Variants in CEACAM21 observed in about 807,000 individuals in gnomAD.
CEACAM21 encodes cell adhesion molecule CEACAM21.
CEACAM21 carries 38 observed loss-of-function variants against 33.2 expected under a neutral mutation model. The observed-to-expected ratio is 1.14, with a 90% confidence interval of 0.88 to 1.50. The LOEUF is 1.50. CEACAM21 is among the 40% of genes most tolerant of loss of function. The pLI, the probability that CEACAM21 is intolerant of heterozygous loss-of-function variation, is 0.00. For synonymous variants in CEACAM21, 156 were observed against 143.0 expected, an observed-to-expected ratio of 1.09 and a Z score of -0.65; for missense variants, 385 against 364.6, an observed-to-expected ratio of 1.06 and a Z score of -0.46.
chr19:41,559,525 TG>T (rs1555786325), intron 1 of CEACAM21, among the ~76,000 whole-genome samples: 1 of 151,984 alleles, frequency 6.6e-6, no homozygotes, highest in African/African-American at 2.4e-5. Flanking sequence ...AAAAGAGCAA[TG>T]TTTCAAACAG....
At chr19:41,564,469 C>A (rs1247021064) in intron 1 of CEACAM21, among the ~76,000 whole-genome samples, 1 of 152,112 alleles carries the variant, frequency 6.6e-6, no homozygotes, top group Non-Finnish European at 1.5e-5. Context: ...CCCCACCTTA[C>A]CGCCAGGGAA....
chr19:41,554,547 T>A (rs2041425453), intron 1 of CEACAM21, among the ~76,000 whole-genome samples: 1 of 152,056 alleles, frequency 6.6e-6, no homozygotes, highest in South Asian at 2.1e-4. Flanking sequence ...AAGCTAAAAA[T>A]CATTTTATAT....
chr19:41,580,658 G>T (rs1226402621), intron 3 of CEACAM21, among the ~76,000 whole-genome samples: 3 of 152,198 alleles, frequency 2.0e-5, no homozygotes, highest in Non-Finnish European at 2.9e-5. Flanking sequence ...GTGGGAAGGG[G>T]TGTGGAGCTT....
intron 2 of CEACAM21, among the ~76,000 whole-genome samples, chr19:41,566,493 A>G (rs1322855029): frequency 6.6e-6 from 1 of 152,226 alleles, no homozygotes; most frequent in Non-Finnish European, 1.5e-5. Context: ...ATGTTGAAAC[A>G]TACTTGCATT....
chr19:41,573,288 C>T (rs782648957), upstream of CEACAM21, among the ~76,000 whole-genome samples: 9 of 152,198 alleles, frequency 5.9e-5, no homozygotes, highest in Non-Finnish European at 1.2e-4. Flanking sequence ...CCAGTAAGAA[C>T]ATGGAATACT....
At chr19:41,550,495 G>A (rs897916648) in intron 1 of CEACAM21, 1 of 152,226 alleles carries the variant, frequency 6.6e-6, no homozygotes, top group Admixed American at 6.5e-5. Flanking sequence ...TTGAGGCCGG[G>A]CGCGGTGGCT....
chr19:41,573,738 C>G, upstream of CEACAM21, among the ~76,000 whole-genome samples: 1 of 152,144 alleles, frequency 6.6e-6, no homozygotes, highest in East Asian at 1.9e-4. Flanking sequence ...TCAATATACA[C>G]TGTAACATAG....
intron 4 of CEACAM21, 98 bp from the exon 5 acceptor site, chr19:41,585,345 C>T: frequency 7.8e-7 from 1 of 1,278,476 alleles, no homozygotes; most frequent in South Asian, 1.2e-5. Context: ...GGTCTCCATA[C>T]CCCTCTTGGA....
At chr19:41,571,332 A>C (rs1468958073), upstream of CEACAM21, among the ~76,000 whole-genome samples, 1 of 152,202 alleles carries the variant, frequency 6.6e-6, no homozygotes, top group African/African-American at 2.4e-5. Context: ...GTACCAGGAG[A>C]AGGCATGTTT....
chr19:41,561,125 A>G (rs1191328628), intron 1 of CEACAM21, among the ~76,000 whole-genome samples: 1 of 152,238 alleles, frequency 6.6e-6, no homozygotes, highest in African/African-American at 2.4e-5. Context: ...AAAAATCCAT[A>G]TATGAGACAC....
chr19:41,586,684 AATAT>A lies in CEACAM21; in HGVS notation c.*225_*228del, dbSNP rs2122324543. On this transcript the variant is annotated 3_prime_UTR_variant, in exon 7 of 7. Transcript: ENST00000401445. ...CAGGAAGGGATGGGGGTCCCTGCTG[AATAT>A]ATAGAGACCTCAACAGACTGCCCCG... 1 of 432,246 alleles carries A rather than the reference AATAT, an allele frequency of 2.3e-6. No homozygotes were observed. Among genetic ancestry groups the A allele is most frequent in the African/African-American group, 2.1e-5 (1 of 48,600 alleles). 26.8% of individuals were successfully genotyped at this position (432,246 alleles called of 1,614,324 possible). A position where few individuals can be genotyped will look rare whatever the true frequency, so the allele number is the denominator to read the frequency against.
At chr19:41,565,543 C>A (rs1827511653) in intron 2 of CEACAM21, 1 of 96,526 alleles carries the variant, frequency 1.0e-5, no homozygotes, top group African/African-American at 7.2e-5. Context: ...TCCCCCCCGC[C>A]CCCCGCCCCC....
At chr19:41,582,267 AC>A (rs781810678) in intron 3 of CEACAM21, among the ~76,000 whole-genome samples, 3 of 152,114 alleles carry the variant, frequency 2.0e-5, no homozygotes, top group Non-Finnish European at 4.4e-5. Flanking sequence ...CTTGGGCTCC[AC>A]CCCTGTGGCT....
upstream of CEACAM21, among the ~76,000 whole-genome samples, chr19:41,571,201 C>A (rs1555789429): frequency 6.6e-6 from 1 of 152,098 alleles, no homozygotes; most frequent in African/African-American, 2.4e-5. Context: ...CCACACTAAT[C>A]TCTAATAACA....
intron 3 of CEACAM21, 49 bp downstream of exon 3, chr19:41,579,677 G>C: frequency 7.7e-7 from 1 of 1,296,358 alleles, no homozygotes; most frequent in East Asian, 2.5e-5. Context: ...TATTTTCCTA[G>C]GAGGGAGGGG....
Position 41,577,430 on chromosome 19 carries a change from G to C in CEACAM21, c.295G>C (p.Glu99Gln). The C allele has an allele frequency of 6.2e-7, 1 of 1,614,174 alleles. No individual in the cohort carries two copies. Among genetic ancestry groups the C allele is most frequent in the South Asian group, 1.1e-5 (1 of 91,082 alleles). Reference sequence around the variant, plus strand: ...TCCAGGGCCTGCATACAGCGGTCGAGAGACAATATCACCCAGTGGAGATCT... The same window carrying C: ...TCCAGGGCCTGCATACAGCGGTCGACAGACAATATCACCCAGTGGAGATCT... ...RTPGPAYSGR[E>Q]TISPSGDLHF... The change falls in exon 2 of 7, where the codon GAG (glutamate) becomes CAG (glutamine). Residue 99 changes from glutamate to glutamine, a missense_variant. By Grantham distance (29) the Glu-to-Gln change is conservative. Coordinates refer to ENST00000401445, the MANE Select transcript of CEACAM21 (RefSeq NM_001098506.4).
chr19:41,575,016 A>G (rs2122213668), upstream of CEACAM21, among the ~76,000 whole-genome samples: 1 of 152,380 alleles, frequency 6.6e-6, no homozygotes, highest in Non-Finnish European at 1.5e-5. Context: ...TAAATAGGAA[A>G]GAAGCTGTAA....
upstream of CEACAM21, among the ~76,000 whole-genome samples, chr19:41,573,769 G>C (rs1288968654): frequency 6.6e-6 from 1 of 152,068 alleles, no homozygotes; most frequent in South Asian, 2.1e-4. Context: ...AAGAAAGTGG[G>C]AATAATTTAT....
At chr19:41,582,350 A>G (rs2043464697) in intron 3 of CEACAM21, among the ~76,000 whole-genome samples, 1 of 152,206 alleles carries the variant, frequency 6.6e-6, no homozygotes, top group Non-Finnish European at 1.5e-5. Context: ...TTCTAGGTGC[A>G]TGGTGCAAGC....
Sources: allele counts gnomAD v4.1 joint callset (sites outside exome capture counted in the v4.1 genomes callset), GRCh38; gene constraint gnomAD v4.1.1; transcripts MANE v1.5; gene names NCBI Gene and HGNC (gene_info 2026-07-23, HGNC 2026-07-21).